The following KYAT1 variants were observed in gnomAD, a reference collection of about 807,000 sequenced individuals.
KYAT1 encodes kynurenine aminotransferase 1.
A neutral mutation model predicts 52.4 loss-of-function variants in KYAT1; 47 were observed. The ratio of observed to expected loss-of-function variants is 0.90; its 90% CI spans 0.71 to 1.14. KYAT1 has a LOEUF of 1.14. Ranked by LOEUF, KYAT1 falls within the 50% of genes most tolerant of loss-of-function variation. The probability of loss-of-function intolerance (pLI) is 0.00; values close to 1 mark genes in which losing one functional copy is unlikely to be tolerated. For synonymous variants in KYAT1, 212 were observed against 209.6 expected (o/e 1.01, Z -0.10); for missense variants, 480 against 557.9 (o/e 0.86, Z 1.41).
rs150297030 is a variant in KYAT1 at position 128,866,779 on chromosome 9, G to C, written c.-7+15118C>G. On this transcript the variant is annotated intron_variant, in intron 1 of 12. Transcript: ENST00000302586. ...ATAAAAAATATTAGCCGTGATGTGC[G>C]CCTGTAATCCCAGCTGCTTGGGAGG... is the stretch of plus-strand genomic sequence containing the variant. 4.1e-3 allele frequency among the ~76,000 whole-genome samples: 624 copies of C among 151,624 alleles called. 13 individuals are homozygous for C. Among genetic ancestry groups the C allele is most frequent in the East Asian group, 0.041 (209 of 5,138 alleles).
intron 1 of KYAT1, among the ~76,000 whole-genome samples, chr9:128,880,221 C>T (rs1156588179): frequency 6.6e-6 from 1 of 152,144 alleles, no homozygotes; most frequent in Non-Finnish European, 1.5e-5. Context: ...GGTGCCCAAG[C>T]CCTGGACTTT....
intron 1 of KYAT1, among the ~76,000 whole-genome samples, chr9:128,864,717 T>G (rs1835962993): frequency 6.6e-6 from 1 of 152,044 alleles, no homozygotes. Context: ...CAAGTGATTC[T>G]TGTGCCTCAG....
rs193021512 is a variant in KYAT1 at position 128,879,878 on chromosome 9, C to T, written c.-7+2019G>A. Among the ~76,000 whole-genome samples the T allele has an allele frequency of 2.6e-3, 393 of 152,312 alleles. 1 individual carries two copies. Among genetic ancestry groups the T allele is most frequent in the Admixed American group, 4.8e-3 (73 of 15,280 alleles). On this transcript the variant is annotated intron_variant, in intron 1 of 12. Coordinates refer to ENST00000302586, the MANE Select transcript of KYAT1 (RefSeq NM_004059.5). ...AACTATGTGCTTGACCTGTTCTCCA[C>T]CAGATCCTCAGCCTCTGGCAGCTCA...
chr9:128,867,625 A>G (rs1034145633), intron 1 of KYAT1, among the ~76,000 whole-genome samples: 1 of 152,238 alleles, frequency 6.6e-6, no homozygotes, highest in Non-Finnish European at 1.5e-5. Flanking sequence ...CTGTATCACA[A>G]TATCACTGTA....
At chr9:128,878,993 G>A (rs1225595759) in intron 1 of KYAT1, among the ~76,000 whole-genome samples, 1 of 152,214 alleles carries the variant, frequency 6.6e-6, no homozygotes, top group Non-Finnish European at 1.5e-5. Flanking sequence ...TGGGGAATGA[G>A]GGCATAGGAT....
intron 2 of KYAT1, among the ~76,000 whole-genome samples, chr9:128,843,861 C>A (rs1832641742): frequency 6.6e-6 from 1 of 152,200 alleles, no homozygotes; most frequent in Admixed American, 6.5e-5. Flanking sequence ...TCGTCAACAC[C>A]ACAGTTAAAC....
At chr9:128,876,962 G>A (rs1442338563) in intron 1 of KYAT1, among the ~76,000 whole-genome samples, 3 of 151,454 alleles carry the variant, frequency 2.0e-5, no homozygotes, top group African/African-American at 4.9e-5. Context: ...GTAATGGCAC[G>A]ATCTCGGCTC....
chr9:128,852,521 G>A (rs1834084498), intron 1 of KYAT1, among the ~76,000 whole-genome samples: 1 of 152,172 alleles, frequency 6.6e-6, no homozygotes, highest in African/African-American at 2.4e-5. Flanking sequence ...CATTCATTAT[G>A]TTGATGATAT....
intron 3 of KYAT1, among the ~76,000 whole-genome samples, chr9:128,839,720 A>G (rs1831797130): frequency 6.6e-6 from 1 of 152,230 alleles, no homozygotes; most frequent in African/African-American, 2.4e-5. Context: ...AACTCACTAA[A>G]CCAGATTTGG....
chr9:128,840,506 C>T, intron 3 of KYAT1: 1 of 361,762 alleles, frequency 2.8e-6, no homozygotes, highest in Non-Finnish European at 5.3e-6. Context: ...CAGCCTTAGC[C>T]TCCCAGAATG....
At chr9:128,858,440 G>C (rs1425013450) in intron 1 of KYAT1, among the ~76,000 whole-genome samples, 1 of 121,802 alleles carries the variant, frequency 8.2e-6, no homozygotes, top group Admixed American at 9.9e-5. Context: ...GCTCATACCT[G>C]TAATCACAGC....
chr9:128,835,893 G>A, intron 8 of KYAT1, 25 bp from the exon 9 acceptor site: 2 of 1,612,910 alleles, frequency 1.2e-6, no homozygotes, highest in Non-Finnish European at 8.5e-7. Context: ...CAGGTAGGGG[G>A]AGAGGTCCTT....
rs1564491773 is a variant in KYAT1 at position 128,865,344 on chromosome 9, TATATATATATATA to T, written c.-7+16540_-7+16552del. On this transcript the variant is annotated intron_variant, in intron 1 of 12. Transcript: ENST00000302586. ...ATATATATATATATATATATATATA[TATATATATATATA>T]TATTTTTTTTTTTTTTTTTTTTGAG... 2.7e-3 allele frequency among the ~76,000 whole-genome samples: 19 copies of T among 7,004 alleles called. 2 individuals carry two copies. In the South Asian group the frequency reaches 0.044, roughly 16 times the overall value. 4.6% of individuals were successfully genotyped at this position (7,004 alleles called of 152,430 possible). A position where few individuals can be genotyped will look rare whatever the true frequency, so the allele number is the denominator to read the frequency against.
chr9:128,851,222 G>A (rs1833914901), intron 1 of KYAT1, among the ~76,000 whole-genome samples: 2 of 152,180 alleles, frequency 1.3e-5, no homozygotes, highest in South Asian at 4.2e-4. Flanking sequence ...GGTATGGAGG[G>A]GCAGGCCACC....
chr9:128,844,195 G>A (rs1213990587), intron 2 of KYAT1, among the ~76,000 whole-genome samples: 1 of 152,198 alleles, frequency 6.6e-6, no homozygotes, highest in Non-Finnish European at 1.5e-5. Context: ...CTAGTTTGGA[G>A]CAGAGTGAAG....
intron 1 of KYAT1, among the ~76,000 whole-genome samples, chr9:128,879,303 C>T (rs1320091960): frequency 1.3e-5 from 2 of 151,490 alleles, no homozygotes; most frequent in African/African-American, 2.4e-5. Context: ...GAGTGAGACT[C>T]CGTCTCAAAA....
intron 1 of KYAT1, among the ~76,000 whole-genome samples, chr9:128,880,054 T>C (rs1486074282): frequency 6.6e-6 from 1 of 152,214 alleles, no homozygotes; most frequent in Non-Finnish European, 1.5e-5. Flanking sequence ...GTGCCTCACT[T>C]ATCTGTAAAA....
chr9:128,839,413 T>C (rs1025467760), intron 3 of KYAT1, among the ~76,000 whole-genome samples: 1 of 152,062 alleles, frequency 6.6e-6, no homozygotes, highest in African/African-American at 2.4e-5. Context: ...AGAAACTTGT[T>C]TGCTGAGGAC....
At chr9:128,856,757 G>A (rs984098151) in intron 1 of KYAT1, among the ~76,000 whole-genome samples, 8 of 152,244 alleles carry the variant, frequency 5.3e-5, no homozygotes, top group Non-Finnish European at 4.4e-5. Context: ...AACGCACTGC[G>A]GAAAGCCGCA....
Sources: allele counts gnomAD v4.1 joint callset (sites outside exome capture counted in the v4.1 genomes callset), GRCh38; gene constraint gnomAD v4.1.1; transcripts MANE v1.5; gene names NCBI Gene and HGNC (gene_info 2026-07-23, HGNC 2026-07-21).